Variants in MTMR10 observed in about 807,000 individuals in gnomAD.
MTMR10 encodes myotubularin-related protein 10.
A neutral mutation model predicts 88.1 loss-of-function variants in MTMR10; 56 were observed. The observed-to-expected ratio is 0.64, with a 90% CI of 0.51 to 0.79. The LOEUF (loss-of-function observed/expected upper bound fraction) is 0.79, where lower values mean the gene tolerates loss of function less well. Ranked by LOEUF, MTMR10 falls within the 30% of genes least tolerant of loss-of-function variation. MTMR10 has a pLI of 0.00. For missense variants in MTMR10, 883 were observed against 924.7 expected (o/e 0.95, Z 0.58); for synonymous variants, 380 against 340.9 (o/e 1.11, Z -1.26).
At chr15:30,943,989 C>T (rs1013357712) in intron 14 of MTMR10, 3 of 985,368 alleles carry the variant, frequency 3.0e-6, no homozygotes, top group Non-Finnish European at 3.6e-6. Flanking sequence ...ATTCTTTGTT[C>T]TGTACCTTTC....
the MTMR10 span, among the ~76,000 whole-genome samples, chr15:30,932,221 CAAAAAAAAAAA>C: frequency 2.0e-5 from 1 of 49,508 alleles, no homozygotes; most frequent in South Asian, 7.4e-4. Context: ...GACTCCATCT[CAAAAAAAAAAA>C]AAAAAAAAAA....
intron 2 of MTMR10, among the ~76,000 whole-genome samples, chr15:30,981,421 T>C (rs1240687388): frequency 6.6e-6 from 1 of 151,748 alleles, no homozygotes; most frequent in Admixed American, 6.7e-5. Context: ...TTGTGCCTGC[T>C]CACATGACAC....
intron 15 of MTMR10, chr15:30,942,442 G>T: frequency 6.5e-6 from 2 of 308,126 alleles, no homozygotes; most frequent in Non-Finnish European, 1.2e-5. Context: ...CTGATTCTTT[G>T]TTCTGTACCT....
At chr15:30,988,022 T>C (rs2031064355) in intron 2 of MTMR10, among the ~76,000 whole-genome samples, 2 of 152,312 alleles carry the variant, frequency 1.3e-5, no homozygotes, top group South Asian at 2.1e-4. Context: ...AACTATATTA[T>C]TCACTCCCTC....
At chr15:30,974,721 C>G (rs2029984388) in intron 4 of MTMR10, among the ~76,000 whole-genome samples, 1 of 151,848 alleles carries the variant, frequency 6.6e-6, no homozygotes, top group South Asian at 2.1e-4. Context: ...GACAAAAAAC[C>G]TAGAAACTAT....
intron 2 of MTMR10, among the ~76,000 whole-genome samples, chr15:30,984,685 C>A (rs536166944): frequency 6.6e-6 from 1 of 152,132 alleles, no homozygotes; most frequent in Admixed American, 6.5e-5. Context: ...CTTTTCTGAT[C>A]CGATTACAAA....
chr15:30,930,466 C>A, the MTMR10 span: 1 of 1,501,576 alleles, frequency 6.7e-7, no homozygotes, highest in Non-Finnish European at 8.9e-7. Flanking sequence ...AGCTTTTCTC[C>A]GTCTCGTGAT....
intron 14 of MTMR10, chr15:30,946,284 A>T (rs896827980): frequency 2.6e-5 from 4 of 155,892 alleles, no homozygotes; most frequent in African/African-American, 9.6e-5. Context: ...TTGCATAATG[A>T]TTCACAGTTT....
chr15:30,920,438 T>C, the MTMR10 span: 39 of 752,488 alleles, frequency 5.2e-5, no homozygotes, highest in Non-Finnish European at 8.8e-5. Context: ...GTATTTAGAA[T>C]ATACCTTTTT....
intron 14 of MTMR10, among the ~76,000 whole-genome samples, chr15:30,944,684 C>T (rs1388172320): frequency 1.3e-4 from 19 of 151,698 alleles, no homozygotes; most frequent in Admixed American, 1.1e-3. Context: ...TGAACCCAAA[C>T]GTGTTTTAAT....
the MTMR10 span, chr15:30,925,114 T>G: frequency 6.2e-7 from 1 of 1,605,006 alleles, no homozygotes; most frequent in Non-Finnish European, 8.5e-7. Context: ...TGTGTGACCA[T>G]GCTCTCTGCC....
chr15:30,940,488 ATTAG>A lies in MTMR10; in HGVS notation c.*978_*981del. 1.0e-6 allele frequency: 1 copy of A among 985,362 alleles called. No homozygotes were observed. The highest frequency in any genetic ancestry group is 4.7e-5 in the South Asian group (1 of 21,290). The allele number at this position is 985,362 out of a possible 1,614,324, so 61.0% of individuals were successfully genotyped here. A position where few individuals can be genotyped will look rare whatever the true frequency, so the allele number is the denominator to read the frequency against. On this transcript the variant is annotated 3_prime_UTR_variant, in exon 16 of 16. Coordinates refer to ENST00000435680, the MANE Select transcript of MTMR10 (RefSeq NM_017762.3). ...GTGCAGGTGCCCAACTCGTAACCTC[ATTAG>A]TTATTTCCAGGGGGAAGTGCCAGCA...
the MTMR10 span, chr15:30,920,602 A>G: frequency 6.2e-7 from 1 of 1,612,106 alleles, no homozygotes; most frequent in Non-Finnish European, 8.5e-7. Flanking sequence ...GGATTTATAC[A>G]AGGATTTTGT....
intron 5 of MTMR10, among the ~76,000 whole-genome samples, chr15:30,972,830 T>C (rs2063553323): frequency 6.6e-6 from 1 of 152,166 alleles, no homozygotes; most frequent in Non-Finnish European, 1.5e-5. Context: ...CAAATAATTA[T>C]TATTTCCACT....
At chr15:30,956,256 G>A (rs2063326420) in intron 9 of MTMR10, 1 of 152,152 alleles carries the variant, frequency 6.6e-6, no homozygotes, top group South Asian at 2.1e-4. Flanking sequence ...ATTAAAATAT[G>A]TAATGTGTCA....
the MTMR10 span, among the ~76,000 whole-genome samples, chr15:30,933,753 CTT>C: frequency 7.3e-6 from 1 of 136,146 alleles, no homozygotes; most frequent in Admixed American, 7.3e-5. Context: ...TATTTCTTTT[CTT>C]TTTTTTTTTG....
At chr15:30,974,484 T>C (rs1048921281) in intron 4 of MTMR10, 28 bp from the exon 5 acceptor site, 18 of 1,489,558 alleles carry the variant, frequency 1.2e-5, no homozygotes, top group Non-Finnish European at 1.6e-5. Context: ...ATAGAGAAAA[T>C]AAAATGCGTA....
chr15:30,942,242 T>TA (rs1441731982), intron 15 of MTMR10, 170 bp from the exon 16 acceptor site: 4 of 837,214 alleles, frequency 4.8e-6, no homozygotes, highest in African/African-American at 1.7e-5. Context: ...CCCCTGGAAT[T>TA]ACACTTTTTT....
chr15:30,946,502 C>A, intron 14 of MTMR10: 1 of 497,714 alleles, frequency 2.0e-6, no homozygotes, highest in South Asian at 2.8e-5. Flanking sequence ...GGCTGAAGAC[C>A]CCGGAGCTCA....
Sources: allele counts gnomAD v4.1 joint callset (sites outside exome capture counted in the v4.1 genomes callset), GRCh38; gene constraint gnomAD v4.1.1; transcripts MANE v1.5; gene names NCBI Gene and HGNC (gene_info 2026-07-23, HGNC 2026-07-21).